NWD2: variants seen among roughly 807,000 people sequenced by gnomAD.
NWD2 encodes NACHT and WD repeat domain containing 2, also known as NACHT and WD repeat domain-containing protein 2.
In NWD2, 37 loss-of-function variants were observed where a neutral mutation model predicts 132.7. The observed-to-expected ratio is 0.28, with a 90% CI of 0.21 to 0.37. The LOEUF is 0.37. Ranked by LOEUF, NWD2 falls within the 10% of genes least tolerant of loss-of-function variation. NWD2 has a pLI of 1.00. For synonymous variants in NWD2, 705 were observed against 803.0 expected (o/e 0.88, Z 2.06); for missense variants, 1,592 against 2,122.4 (o/e 0.75, Z 4.91).
chr4:37,434,638 G>A (rs918684645), intron 5 of NWD2, among the ~76,000 whole-genome samples: 1 of 152,102 alleles, frequency 6.6e-6, no homozygotes, highest in African/African-American at 2.4e-5. Flanking sequence ...CTGAATTACG[G>A]AAGAAAATCA....
chr4:37,359,431 A>G lies in NWD2; in HGVS notation c.357+2949A>G, dbSNP rs1018607323. On this transcript the variant is annotated intron_variant, in intron 3 of 6. Coordinates refer to ENST00000309447, the MANE Select transcript of NWD2 (RefSeq NM_001144990.2). ...TCTTAGGGCCTTTCCTGTTGTAACTACGGTGACAACTGGCATGTGTGTGTT... is the reference window on the plus strand; with the variant it reads ...TCTTAGGGCCTTTCCTGTTGTAACTGCGGTGACAACTGGCATGTGTGTGTT... Among the ~76,000 whole-genome samples, 6 of 152,074 alleles carry G rather than the reference A, an allele frequency of 3.9e-5. No homozygotes were observed. In the South Asian group the frequency reaches 8.3e-4, roughly 21 times the overall value.
At position 37,410,875 on chromosome 4, in the gene NWD2, C is replaced by A. The variant is rs551211965; in HGVS notation, c.358-19697C>A. Among the ~76,000 whole-genome samples the A allele has an allele frequency of 2.2e-3, 338 of 152,276 alleles. 11 individuals carry two copies. The highest frequency in any genetic ancestry group is 2.9e-3 in the South Asian group (14 of 4,824). ...ACCACACAACTACATGGAAACTGAA[C>A]AAACTGCTCCTGAATGACTACTGGG... On this transcript the variant is annotated intron_variant, in intron 3 of 6. Transcript: ENST00000309447.
In NWD2 at chr4:37,321,524, T is replaced by C. The variant is rs114876037; in HGVS notation, c.152-4412T>C. On this transcript the variant is annotated intron_variant, in intron 1 of 6. Transcript: ENST00000309447. ...TAAGGAACTGGGCAGATACAAATAG[T>C]TGCGATGACTATGTATAAAACATAA... 8.4e-3 allele frequency among the ~76,000 whole-genome samples: 1,268 copies of C among 151,766 alleles called. 50 individuals carry two copies. In the East Asian group the frequency reaches 0.12, roughly 15 times the overall value.
intron 3 of NWD2, among the ~76,000 whole-genome samples, chr4:37,374,001 G>T: frequency 6.6e-6 from 1 of 152,194 alleles, no homozygotes; most frequent in Non-Finnish European, 1.5e-5. Context: ...AAGACAGCTA[G>T]ATGGTAGGGA....
chr4:37,277,154 A>T (rs758554419), intron 1 of NWD2, among the ~76,000 whole-genome samples: 1 of 151,238 alleles, frequency 6.6e-6, no homozygotes, highest in Non-Finnish European at 1.5e-5. Flanking sequence ...AAAGTCAGCC[A>T]TTAATTGTAC....
At chr4:37,255,670 G>A (rs1717502571) in intron 1 of NWD2, among the ~76,000 whole-genome samples, 2 of 152,122 alleles carry the variant, frequency 1.3e-5, no homozygotes, top group Admixed American at 1.3e-4. Flanking sequence ...AAAGTGTCTG[G>A]CAAAAACAAT....
chr4:37,411,337 C>T (rs952137355), intron 3 of NWD2, among the ~76,000 whole-genome samples: 1 of 152,158 alleles, frequency 6.6e-6, no homozygotes, highest in African/African-American at 2.4e-5. Context: ...AAACTACTAT[C>T]GGAGAATACT....
chr4:37,431,030 A>T (rs1712163859), intron 4 of NWD2, among the ~76,000 whole-genome samples: 2 of 152,310 alleles, frequency 1.3e-5, no homozygotes, highest in South Asian at 4.1e-4. Flanking sequence ...GTTGGAGAGG[A>T]TGCGAAGAAA....
At chr4:37,255,732 C>T (rs1324926674) in intron 1 of NWD2, among the ~76,000 whole-genome samples, 1 of 152,106 alleles carries the variant, frequency 6.6e-6, no homozygotes, top group Non-Finnish European at 1.5e-5. Flanking sequence ...GGACAATGTA[C>T]AAATCTGCTC....
Position 37,444,856 on chromosome 4 carries a change from C to T in NWD2, c.2868C>T (p.Tyr956=), listed in dbSNP as rs2109331503. The T allele has an allele frequency of 6.4e-7, 1 of 1,552,282 alleles. No individual in the cohort carries two copies. The highest frequency in any genetic ancestry group is 1.2e-5 in the South Asian group (1 of 84,062). ...VPLHSSMDVT[Y]SPERLPLSSS... is the part of the protein sequence containing the mutation. Reference sequence around the variant, plus strand: ...TGCATTCATCCATGGATGTGACATACAGCCCAGAGCGTCTTCCCTTATCAT... The same window carrying T: ...TGCATTCATCCATGGATGTGACATATAGCCCAGAGCGTCTTCCCTTATCAT... Residue 956 remains tyrosine (Y), a synonymous_variant, in exon 7 of 7, where the codon TAC becomes TAT. Coordinates refer to ENST00000309447, the MANE Select transcript of NWD2 (RefSeq NM_001144990.2). The surrounding 1 kb of genome is among the most constrained non-coding windows in gnomAD (Gnocchi z 4.8).
chr4:37,376,486 TCAGAGG>T (rs1214489059), intron 3 of NWD2, among the ~76,000 whole-genome samples: 2 of 152,184 alleles, frequency 1.3e-5, no homozygotes, highest in Non-Finnish European at 2.9e-5. Flanking sequence ...TCTTTTTTTG[TCAGAGG>T]CTCTAGAGCA....
intron 1 of NWD2, among the ~76,000 whole-genome samples, chr4:37,297,787 T>G (rs1307490384): frequency 1.3e-5 from 2 of 152,172 alleles, no homozygotes; most frequent in African/African-American, 2.4e-5. Flanking sequence ...GATTATGCTG[T>G]TTTTGGCAGG....
intron 2 of NWD2, among the ~76,000 whole-genome samples, chr4:37,346,092 A>C (rs951843419): frequency 1.3e-5 from 2 of 151,944 alleles, no homozygotes; most frequent in Non-Finnish European, 2.9e-5. Context: ...AAAAAAAAAA[A>C]AAAAAAACCT....
intron 1 of NWD2, among the ~76,000 whole-genome samples, chr4:37,285,396 C>G (rs957315999): frequency 6.6e-6 from 1 of 152,014 alleles, no homozygotes. Flanking sequence ...CTGAAATTTT[C>G]TCCCGTATAT....
chr4:37,434,075 T>C lies in NWD2; in HGVS notation c.706+55T>C, dbSNP rs1712250670. On this transcript the variant is annotated intron_variant, in intron 5 of 6. Coordinates refer to ENST00000309447, the MANE Select transcript of NWD2 (RefSeq NM_001144990.2). ...GAAATATATCATTAATAGGTACATC[T>C]ACTGCTTCCCTTTAATGCCCTGCAA... The C allele has an allele frequency of 8.4e-6, 10 of 1,193,354 alleles. 2 individuals are homozygous for C. The South Asian group carries it at 1.7e-4, about 21-fold the overall frequency. The allele number at this position is 1,193,354 out of a possible 1,614,324, so 73.9% of individuals were successfully genotyped here.
At chr4:37,268,950 C>T (rs1460313925) in intron 1 of NWD2, among the ~76,000 whole-genome samples, 2 of 151,826 alleles carry the variant, frequency 1.3e-5, no homozygotes. Context: ...GAAATAAATT[C>T]CCAGGCTTTA....
At position 37,275,109 on chromosome 4, in the gene NWD2, G is replaced by A. The variant is rs551027558; in HGVS notation, c.151+29891G>A. Reference sequence around the variant, plus strand: ...ACCAGGCAGGAGAAGGAAATAAAGGGTATTCAATTAGGAAAAGAGGAAGTC... The same window carrying A: ...ACCAGGCAGGAGAAGGAAATAAAGGATATTCAATTAGGAAAAGAGGAAGTC... On this transcript the variant is annotated intron_variant, in intron 1 of 6. Transcript: ENST00000309447. Among the ~76,000 whole-genome samples the A allele has an allele frequency of 4.6e-5, 7 of 152,250 alleles. No individual in the cohort carries two copies. In the South Asian group the frequency reaches 1.4e-3, roughly 32 times the overall value.
At chr4:37,325,263 A>G (rs1174493202) in intron 1 of NWD2, among the ~76,000 whole-genome samples, 1 of 152,088 alleles carries the variant, frequency 6.6e-6, no homozygotes, top group African/African-American at 2.4e-5. Flanking sequence ...ATAATAAAAT[A>G]TTTTTTTATT....
intron 3 of NWD2, among the ~76,000 whole-genome samples, chr4:37,384,055 C>T (rs886594287): frequency 6.6e-6 from 1 of 152,116 alleles, no homozygotes. Flanking sequence ...TCTACCAACC[C>T]ATCACCTAGG....
Sources: allele counts gnomAD v4.1 joint callset (sites outside exome capture counted in the v4.1 genomes callset), GRCh38; gene constraint gnomAD v4.1.1; non-coding constraint Gnocchi (gnomAD v3.1); transcripts MANE v1.5; gene names NCBI Gene and HGNC (gene_info 2026-07-23, HGNC 2026-07-21).